The following LPL variants were observed in gnomAD, a reference collection of about 807,000 sequenced individuals.
LPL encodes lipoprotein lipase.
A neutral mutation model predicts 52.2 loss-of-function variants in LPL; 43 were observed. The observed-to-expected ratio is 0.82, with a 90% CI of 0.64 to 1.06. The LOEUF (loss-of-function observed/expected upper bound fraction) is 1.06. Ranked by LOEUF, LPL falls within the 50% of genes least tolerant of loss-of-function variation. LPL has a pLI of 0.00. For synonymous variants in LPL, 244 were observed against 215.6 expected (o/e 1.13, Z -1.15); for missense variants, 639 against 585.3 (o/e 1.09, Z -0.95).
Position 19,943,527 on chromosome 8 carries a change from G to C in LPL, c.88+3999G>C, listed in dbSNP as rs116448989. Among the ~76,000 whole-genome samples, 995 of 152,270 alleles carry C rather than the reference G, an allele frequency of 6.5e-3. 9 individuals carry two copies. Among genetic ancestry groups the C allele is most frequent in the African/African-American group, 0.023 (958 of 41,552 alleles). Reference sequence around the variant, plus strand: ...GTAATCATGGACTTTCATTGTGTTAGTTTGAGACAACTGGATGTTTCCATT... The same window carrying C: ...GTAATCATGGACTTTCATTGTGTTACTTTGAGACAACTGGATGTTTCCATT... On this transcript the variant is annotated intron_variant, in intron 1 of 9. Transcript: ENST00000650287.
At chr8:19,961,170 C>T in intron 8 of LPL, 87 bp downstream of exon 8, 2 of 1,160,778 alleles carry the variant, frequency 1.7e-6, no homozygotes, top group Non-Finnish European at 2.5e-6. Flanking sequence ...CTTCACAATT[C>T]AGGGAGAGCT....
At chr8:19,958,488 G>T (rs939247137) in intron 6 of LPL, among the ~76,000 whole-genome samples, 2 of 152,140 alleles carry the variant, frequency 1.3e-5, no homozygotes, top group Non-Finnish European at 2.9e-5. Context: ...GCTGTCCCTA[G>T]TATAGAATAC....
At chr8:19,964,791 A>G (rs975855399) in intron 9 of LPL, among the ~76,000 whole-genome samples, 28 of 152,110 alleles carry the variant, frequency 1.8e-4, no homozygotes, top group African/African-American at 6.3e-4. Flanking sequence ...CAGCCTCCCA[A>G]TGTGCTGGGA....
chr8:19,954,309 A>G lies in LPL; in HGVS notation c.731A>G (p.Asn244Ser). 1 of 1,614,200 alleles carries G rather than the reference A, an allele frequency of 6.2e-7. No homozygotes were observed. ...PNGGTFQPGC[N>S]IGEAIRVIAE... The stretch of plus-strand genomic sequence containing the variant: ...GGAGGTACTTTTCAGCCAGGATGTA[A>G]CATTGGAGAAGCTATCCGCGTGATT... The change falls in exon 5 of 10, where the codon AAC (asparagine) becomes AGC (serine). Residue 244 changes from asparagine (N) to serine (S), a missense_variant. By Grantham distance (46) the Asn-to-Ser change is conservative (BLOSUM62 1). Transcript: ENST00000650287.
chr8:19,948,473 C>A, intron 2 of LPL, 133 bp downstream of exon 2: 1 of 1,068,612 alleles, frequency 9.4e-7, no homozygotes, highest in Non-Finnish European at 1.3e-6. Context: ...TGAATAAAGA[C>A]AGTTCTGGCT....
rs1424686491 is a variant in LPL, at chr8:19,950,897, TGAAG to T, written c.250-856_250-853del. ...AGGGAGGGAGGAAGGAAGGAAGGAA[TGAAG>T]GAAGGAAGGAAGGAATGAAGGAAGG... is the stretch of plus-strand genomic sequence containing the variant. On this transcript the variant is annotated intron_variant, in intron 2 of 9. Coordinates refer to ENST00000650287, the MANE Select transcript of LPL (RefSeq NM_000237.3). This position sits in a 1 kb window ranked among gnomAD's most constrained non-coding sequence, Gnocchi z 4.2. 4.7e-4 allele frequency among the ~76,000 whole-genome samples: 47 copies of T among 99,826 alleles called. No homozygotes were observed. Among genetic ancestry groups the T allele is most frequent in the African/African-American group, 1.1e-3 (27 of 25,288 alleles). The allele number at this position is 99,826 out of a possible 152,430, so 65.5% of individuals were successfully genotyped here. A position where few individuals can be genotyped will look rare whatever the true frequency, so the allele number is the denominator to read the frequency against.
intron 1 of LPL, among the ~76,000 whole-genome samples, chr8:19,946,918 C>A (rs1039422614): frequency 3.9e-5 from 6 of 152,084 alleles, no homozygotes; most frequent in African/African-American, 1.4e-4. Context: ...CTCTTCTCAC[C>A]AAGTTTGGGA....
At position 19,962,210 on chromosome 8, in the gene LPL, A is replaced by C. The variant is rs752077000; in HGVS notation, c.1418A>C (p.Lys473Thr). The C allele has an allele frequency of 8.1e-6, 13 of 1,613,598 alleles. No homozygotes were observed. The Admixed American group carries it at 2.2e-4, about 27-fold the overall frequency. Residue 473 changes from lysine (K) to threonine (T), a missense_variant, in exon 9 of 10, where the codon AAG becomes ACG. Coordinates refer to ENST00000650287, the MANE Select transcript of LPL (RefSeq NM_000237.3). ...TGCCATGACAAGTCTCTGAATAAGA[A>C]GTCAGGCTGGTGAGCATTCTGGGCT... The part of the protein sequence containing the change: ...VKCHDKSLNK[K>T]SG
At chr8:19,954,839 T>C (rs185300054) in intron 5 of LPL, among the ~76,000 whole-genome samples, 3 of 152,194 alleles carry the variant, frequency 2.0e-5, no homozygotes, top group Non-Finnish European at 4.4e-5. Context: ...TTGTTTGTTT[T>C]TTGAGATAGA....
Position 19,944,876 on chromosome 8 carries a change from T to C in LPL, c.89-3304T>C, listed in dbSNP as rs1321423834. On this transcript the variant is annotated intron_variant, in intron 1 of 9. Transcript: ENST00000650287. The surrounding 1 kb of genome is among the most constrained non-coding windows in gnomAD (Gnocchi z 4.2). ...CCAAAACTCTCCCCTAAGGGCTTAA[T>C]ATGGACATTTCTGACGAGGCCTGAT... 1.3e-5 allele frequency among the ~76,000 whole-genome samples: 2 copies of C among 152,204 alleles called. No individual in the cohort carries two copies. The highest frequency in any genetic ancestry group is 2.9e-5 in the Non-Finnish European group (2 of 68,036).
At chr8:19,957,073 C>G (rs1305240203) in intron 6 of LPL, among the ~76,000 whole-genome samples, 2 of 152,182 alleles carry the variant, frequency 1.3e-5, no homozygotes, top group Non-Finnish European at 2.9e-5. Context: ...ATCTGCCCTC[C>G]TTGGCCTCAT....
At chr8:19,942,887 C>T (rs984704040) in intron 1 of LPL, among the ~76,000 whole-genome samples, 9 of 152,226 alleles carry the variant, frequency 5.9e-5, no homozygotes, top group Non-Finnish European at 2.9e-5. Flanking sequence ...TATGTAAGTT[C>T]TGCCGGAAGT....
intron 4 of LPL, 108 bp downstream of exon 4, chr8:19,953,529 C>T (rs374263342): frequency 1.3e-4 from 99 of 765,792 alleles, no homozygotes; most frequent in Admixed American, 4.7e-4. Context: ...GTGTTCTTCC[C>T]GGAGACATGA....
At chr8:19,960,830 G>A (rs1326977028) in intron 7 of LPL, 71 bp from the exon 8 acceptor site, 2 of 1,084,890 alleles carry the variant, frequency 1.8e-6, no homozygotes, top group South Asian at 1.3e-5. Context: ...TATTTGGAGA[G>A]GAGAAAAAAA....
intron 1 of LPL, among the ~76,000 whole-genome samples, chr8:19,940,857 G>A (rs779496666): frequency 6.6e-6 from 1 of 152,216 alleles, no homozygotes; most frequent in South Asian, 2.1e-4. Context: ...TCGGGAGGCC[G>A]AGGCCGGAAG....
intron 1 of LPL, among the ~76,000 whole-genome samples, chr8:19,946,998 G>T (rs1359159086): frequency 6.6e-6 from 1 of 152,200 alleles, no homozygotes; most frequent in African/African-American, 2.4e-5. Flanking sequence ...TTTTGCCTTT[G>T]TGTGGAACAT....
chr8:19,939,365 C>A lies in LPL; in HGVS notation c.-76C>A. ...CTCAGCGCCAAACCGCGGCTCCAGC[C>A]CTCTCCAGCCTCCGGCTCAGCCGGC... On this transcript the variant is annotated 5_prime_UTR_variant, in exon 1 of 10. Coordinates refer to ENST00000650287, the MANE Select transcript of LPL (RefSeq NM_000237.3). The surrounding 1 kb of genome is among the most constrained non-coding windows in gnomAD (Gnocchi z 4.0). 1 of 1,441,816 alleles carries A rather than the reference C, an allele frequency of 6.9e-7. No individual in the cohort carries two copies. The highest frequency in any genetic ancestry group is 9.5e-7 in the Non-Finnish European group (1 of 1,051,726). 89.3% of individuals were successfully genotyped at this position (1,441,816 alleles called of 1,614,324 possible).
Position 19,950,934 on chromosome 8 carries a change from G to A in LPL, c.250-835G>A, listed in dbSNP as rs1054468898. Among the ~76,000 whole-genome samples, 5 of 150,958 alleles carry A rather than the reference G, an allele frequency of 3.3e-5. No individual in the cohort carries two copies. Among genetic ancestry groups the A allele is most frequent in the African/African-American group, 9.7e-5 (4 of 41,068 alleles). On this transcript the variant is annotated intron_variant, in intron 2 of 9. Transcript: ENST00000650287. This position sits in a 1 kb window ranked among gnomAD's most constrained non-coding sequence, Gnocchi z 4.2. ...GGAAGGAATGAAGGAAGGAAGGAAG[G>A]GAGGGAGGAAGAAAGGAAGGAAGAA...
intron 1 of LPL, among the ~76,000 whole-genome samples, chr8:19,942,815 C>T (rs1388743803): frequency 1.3e-5 from 2 of 152,228 alleles, no homozygotes; most frequent in Admixed American, 1.3e-4. Flanking sequence ...ACACCATTTG[C>T]GTACTCAACA....
Sources: allele counts gnomAD v4.1 joint callset (sites outside exome capture counted in the v4.1 genomes callset), GRCh38; gene constraint gnomAD v4.1.1; non-coding constraint Gnocchi (gnomAD v3.1); transcripts MANE v1.5; gene names NCBI Gene and HGNC (gene_info 2026-07-23, HGNC 2026-07-21).